Variants in CADM3 observed in about 807,000 individuals in gnomAD.
CADM3 encodes the protein cell adhesion molecule 3.
A neutral mutation model predicts 44.9 loss-of-function variants in CADM3; 11 were observed. That is an observed-to-expected ratio of 0.25 (90% CI 0.15 to 0.41). The LOEUF (loss-of-function observed/expected upper bound fraction) is 0.41. Among genes scored for constraint, CADM3 ranks in the 10% least tolerant of loss-of-function variants. The pLI is 1.00. For missense variants in CADM3, 426 were observed against 512.0 expected, an observed-to-expected ratio of 0.83 and a Z score of 1.62; for synonymous variants, 207 against 205.2, an observed-to-expected ratio of 1.01 and a Z score of -0.08.
intron 5 of CADM3, chr1:159,196,070 C>G (rs1043057024): frequency 1.5e-5 from 5 of 337,414 alleles, no homozygotes; most frequent in African/African-American, 4.2e-5. Context: ...AGGAGGTTTG[C>G]TAGGCACAGG....
chr1:159,200,518 GCACACACA>G (rs56164429), intron 8 of CADM3, among the ~76,000 whole-genome samples: 28,766 of 150,844 alleles, frequency 0.19, 3,003 homozygotes, highest in African/African-American at 0.28. Flanking sequence ...ATGCGTGCAA[GCACACACA>G]CACACACACA....
chr1:159,196,516 C>T, intron 6 of CADM3, 62 bp downstream of exon 6: 1 of 1,305,528 alleles, frequency 7.7e-7, no homozygotes, highest in Non-Finnish European at 1.1e-6. Flanking sequence ...GCCTTCTTCA[C>T]ATAACAGCTC....
chr1:159,196,259 A>G (rs1202811547), intron 5 of CADM3, 105 bp from the exon 6 acceptor site: 1 of 799,088 alleles, frequency 1.3e-6, no homozygotes, highest in Non-Finnish European at 2.1e-6. Flanking sequence ...GCACTTCTTG[A>G]GCTGCGGAAA....
At chr1:159,191,872 T>C (rs1247900718) in intron 1 of CADM3, 64 bp from the exon 2 acceptor site, 7 of 1,601,252 alleles carry the variant, frequency 4.4e-6, no homozygotes, top group Non-Finnish European at 6.0e-6. Context: ...AGGTGTACTT[T>C]GGCTCAGAAA....
rs138879735 is a variant in CADM3, at chr1:159,179,865, C to A, written c.88+8012C>A. Among the ~76,000 whole-genome samples, 104 of 152,126 alleles carry A rather than the reference C, an allele frequency of 6.8e-4. 1 individual carries two copies. The highest frequency in any genetic ancestry group is 1.3e-3 in the Non-Finnish European group (90 of 68,014). ...AGTGAAACAATTGCACTCACTAGTTCTTGCTGTAGTTCTTAAGGATGAGAT... is the reference window on the plus strand; with the variant it reads ...AGTGAAACAATTGCACTCACTAGTTATTGCTGTAGTTCTTAAGGATGAGAT... On this transcript the variant is annotated intron_variant, in intron 1 of 8. Coordinates refer to ENST00000368125, the MANE Select transcript of CADM3 (RefSeq NM_001127173.3).
intron 1 of CADM3, among the ~76,000 whole-genome samples, chr1:159,185,047 T>C (rs1052723117): frequency 6.6e-6 from 1 of 152,176 alleles, no homozygotes; most frequent in African/African-American, 2.4e-5. Flanking sequence ...AAGAAGATAA[T>C]TCTTTAGTTT....
chr1:159,203,221 ACCTGGTG>A lies in CADM3; in HGVS notation c.*2310_*2316del, dbSNP rs1650307406. 6.6e-6 allele frequency: 1 copy of A among 152,288 alleles called. No homozygotes were observed. Among genetic ancestry groups the A allele is most frequent in the Non-Finnish European group, 1.5e-5 (1 of 68,124 alleles). 9.4% of individuals were successfully genotyped at this position (152,288 alleles called of 1,614,324 possible). A position where few individuals can be genotyped will look rare whatever the true frequency, so the allele number is the denominator to read the frequency against. ...AGGGTCTTCTTCCCATACCCCTTGC[ACCTGGTG>A]CCTGGTGCCTCAAAAGGTGGTGTGT... is the stretch of plus-strand genomic sequence containing the variant. On this transcript the variant is annotated 3_prime_UTR_variant, in exon 9 of 9. Transcript: ENST00000368125.
intron 1 of CADM3, among the ~76,000 whole-genome samples, chr1:159,178,996 A>C (rs959960273): frequency 6.6e-6 from 1 of 152,202 alleles, no homozygotes; most frequent in Non-Finnish European, 1.5e-5. Context: ...AACAAGGAGA[A>C]ACTTCATTCC....
intron 6 of CADM3, 171 bp from the exon 7 acceptor site, chr1:159,196,720 C>A: frequency 1.5e-6 from 1 of 685,282 alleles, no homozygotes; most frequent in African/African-American, 1.8e-5. Context: ...TTCCCCAGAA[C>A]GAACCCCAAG....
chr1:159,184,095 T>G (rs1047751460), intron 1 of CADM3, among the ~76,000 whole-genome samples: 1 of 152,180 alleles, frequency 6.6e-6, no homozygotes, highest in Non-Finnish European at 1.5e-5. Flanking sequence ...CAAAGAAAAC[T>G]GTCACTCTGA....
intron 1 of CADM3, among the ~76,000 whole-genome samples, chr1:159,185,443 T>A (rs1649383794): frequency 6.6e-6 from 1 of 152,172 alleles, no homozygotes; most frequent in Admixed American, 6.5e-5. Context: ...GACAGTGTAG[T>A]AAAGATGTGC....
chr1:159,189,907 C>CA, intron 1 of CADM3: 1 of 1,444,010 alleles, frequency 6.9e-7, no homozygotes, highest in East Asian at 2.4e-5. Context: ...CAATGTCCCT[C>CA]AGTTCCCTCA....
At position 159,197,075 on chromosome 1, in the gene CADM3, G is replaced by C. The variant is rs201892969; in HGVS notation, c.952+15G>C. 2.8e-3 allele frequency: 4,455 copies of C among 1,610,306 alleles called. 11 individuals carry two copies. The highest frequency in any genetic ancestry group is 5.3e-3 in the Middle Eastern group (32 of 6,050). On this transcript the variant is annotated intron_variant, in intron 7 of 8. Coordinates refer to ENST00000368125, the MANE Select transcript of CADM3 (RefSeq NM_001127173.3). ...CAATGTTAATGGTAAGCCCTCCTCAGTTCTCTTCCTCCAGAATCTCCTTTC... is the reference window on the plus strand; with the variant it reads ...CAATGTTAATGGTAAGCCCTCCTCACTTCTCTTCCTCCAGAATCTCCTTTC...
chr1:159,184,304 G>C (rs1237690541), intron 1 of CADM3, among the ~76,000 whole-genome samples: 1 of 152,198 alleles, frequency 6.6e-6, no homozygotes, highest in African/African-American at 2.4e-5. Flanking sequence ...AGTATTCTGG[G>C]CCGCAGCCCC....
chr1:159,185,504 A>T (rs1268559540), intron 1 of CADM3, among the ~76,000 whole-genome samples: 1 of 152,178 alleles, frequency 6.6e-6, no homozygotes, highest in Non-Finnish European at 1.5e-5. Flanking sequence ...AGTCCATCCT[A>T]TCCCAGTACT....
chr1:159,189,301 T>C (rs1302102144), intron 1 of CADM3, among the ~76,000 whole-genome samples: 1 of 152,246 alleles, frequency 6.6e-6, no homozygotes, highest in African/African-American at 2.4e-5. Context: ...GAGGGTTACA[T>C]GTGAAAGTAT....
chr1:159,172,610 G>C, intron 1 of CADM3, among the ~76,000 whole-genome samples: 1 of 152,138 alleles, frequency 6.6e-6, no homozygotes, highest in East Asian at 1.9e-4. Flanking sequence ...AGATATTTGG[G>C]GAGGAGGATG....
intron 1 of CADM3, among the ~76,000 whole-genome samples, chr1:159,188,044 T>C (rs1438428437): frequency 6.6e-6 from 1 of 152,042 alleles, no homozygotes; most frequent in Non-Finnish European, 1.5e-5. Flanking sequence ...CTTTACTCCT[T>C]CTCAGCATTT....
chr1:159,176,870 C>A (rs139007339), intron 1 of CADM3, among the ~76,000 whole-genome samples: 2 of 152,184 alleles, frequency 1.3e-5, no homozygotes, highest in East Asian at 3.9e-4. Context: ...TTAAGGCCGT[C>A]ATCAAATTCC....
Sources: allele counts gnomAD v4.1 joint callset (sites outside exome capture counted in the v4.1 genomes callset), GRCh38; gene constraint gnomAD v4.1.1; transcripts MANE v1.5; gene names NCBI Gene and HGNC (gene_info 2026-07-23, HGNC 2026-07-21).